Variants in CST3 observed in about 807,000 individuals in gnomAD.
The protein encoded by CST3 is cystatin C.
In CST3, 14 loss-of-function variants were observed where a neutral mutation model predicts 9.0. The ratio of observed to expected loss-of-function variants is 1.56; its 90% CI spans 1.03 to 2.44. The LOEUF (loss-of-function observed/expected upper bound fraction) is 2.44. Ranked by LOEUF, CST3 falls within the 30% of genes most tolerant of loss-of-function variation. CST3 has a pLI of 0.00. For missense variants in CST3, 237 were observed against 204.3 expected, an observed-to-expected ratio of 1.16 and a Z score of -0.98; for synonymous variants, 96 against 90.2, an observed-to-expected ratio of 1.06 and a Z score of -0.37.
chr20:23,633,113 GT>G (rs1341965731), downstream of CST3, among the ~76,000 whole-genome samples: 4 of 151,944 alleles, frequency 2.6e-5, no homozygotes, highest in Admixed American at 1.3e-4. Context: ...TCTGGCTGGC[GT>G]TTCTCCTGCT....
At chr20:23,630,670 G>A (rs918909484), downstream of CST3, among the ~76,000 whole-genome samples, 13 of 151,650 alleles carry the variant, frequency 8.6e-5, no homozygotes, top group African/African-American at 1.7e-4. Flanking sequence ...GGTCACTCCC[G>A]TCAGCCAATC....
chr20:23,637,391 A>C (rs992018883), intron 1 of CST3, among the ~76,000 whole-genome samples: 1 of 152,292 alleles, frequency 6.6e-6, no homozygotes, highest in East Asian at 1.9e-4. Flanking sequence ...AGCTGATCTT[A>C]GGCGCCGGGC....
intron 2 of CST3, among the ~76,000 whole-genome samples, chr20:23,634,764 C>T (rs950614226): frequency 6.6e-6 from 1 of 152,080 alleles, no homozygotes; most frequent in African/African-American, 2.4e-5. Flanking sequence ...ATTCATCACT[C>T]CTCTCCACAC....
downstream of CST3, among the ~76,000 whole-genome samples, chr20:23,630,627 A>T (rs1979416870): frequency 6.6e-6 from 1 of 152,072 alleles, no homozygotes; most frequent in South Asian, 2.1e-4. Context: ...TGCTCTCTCT[A>T]CATCTTTTAG....
At chr20:23,628,976 T>A (rs896532550), downstream of CST3, 2 of 152,222 alleles carry the variant, frequency 1.3e-5, no homozygotes, top group Admixed American at 6.5e-5. Context: ...AAGTCTTTTT[T>A]ATCTTCACAC....
rs1390707331 is a variant in CST3, at chr20:23,635,301, G to C, written c.310C>G (p.Pro104Ala). Residue 104 changes from proline to alanine, a missense_variant, in exon 2 of 3, where the codon CCC becomes GCC. Physicochemically the swap from Pro to Ala is conservative, Grantham distance 27 (BLOSUM62 -1). Transcript: ENST00000376925. ...LGRTTCTKTQ[P>A]NLDNCPFHDQ... is the part of the protein sequence containing the mutation. The stretch of plus-strand genomic sequence containing the variant: ...TGGAAGGGGCAGTTGTCCAAGTTGG[G>C]CTGGGTCTTGGTACACGTGGTTCGG... The C allele has an allele frequency of 6.2e-7, 1 of 1,614,128 alleles. No individual in the cohort carries two copies. Among genetic ancestry groups the C allele is most frequent in the Admixed American group, 1.7e-5 (1 of 60,016 alleles).
At chr20:23,635,186 A>T (rs958151449) in intron 2 of CST3, 68 bp downstream of exon 2, 143 of 857,474 alleles carry the variant, frequency 1.7e-4, no homozygotes, top group Middle Eastern at 2.6e-4. Flanking sequence ...TGTGCATCAC[A>T]CACACACACA....
In CST3 at chr20:23,637,664, T is replaced by A. The variant is rs576809508; in HGVS notation, c.199A>T (p.Met67Leu). Residue 67 changes from methionine to leucine, a missense_variant, in exon 1 of 3, where the codon ATG becomes TTG. Physicochemically the swap from Met to Leu is conservative, Grantham distance 15 (BLOSUM62 2). Coordinates refer to ENST00000376925, the MANE Select transcript of CST3 (RefSeq NM_000099.4). ...VGEYNKASNDMYHSRALQVVR... is the reference protein window; with the variant it reads ...VGEYNKASNDLYHSRALQVVR... ...ACCTGCAGCGCGCGGCTGTGGTACA[T>A]GTCGTTGCTGGCTTTGTTGTACTCG... 1 of 1,535,424 alleles carries A rather than the reference T, an allele frequency of 6.5e-7. No individual in the cohort carries two copies. The highest frequency in any genetic ancestry group is 2.0e-5 in the Admixed American group (1 of 49,926).
In CST3 at chr20:23,637,694, C is replaced by A. The variant is rs1454344635; in HGVS notation, c.169G>T (p.Val57Phe). The change falls in exon 1 of 3, where the codon GTC (valine) becomes TTC (phenylalanine). Residue 57 changes from valine to phenylalanine, a missense_variant. Physicochemically the swap from Val to Phe is conservative, Grantham distance 50 (BLOSUM62 -1). Transcript: ENST00000376925. ...EGVRRALDFA[V>F]GEYNKASNDM... is the part of the protein sequence containing the mutation. ...TTGCTGGCTTTGTTGTACTCGCCGA[C>A]GGCAAAGTCCAGTGCACGCCGCACA... is the stretch of plus-strand genomic sequence containing the variant. 2 of 1,543,028 alleles carry A rather than the reference C, an allele frequency of 1.3e-6. No individual in the cohort carries two copies. Among genetic ancestry groups the A allele is most frequent in the South Asian group, 2.4e-5 (2 of 82,970 alleles).
At chr20:23,635,450 C>T (rs1232754699) in intron 1 of CST3, 83 bp from the exon 2 acceptor site, 1 of 1,265,162 alleles carries the variant, frequency 7.9e-7, no homozygotes, top group African/African-American at 1.5e-5. Flanking sequence ...GTGACCGGGT[C>T]ACTGGGCTTG....
At chr20:23,632,509 C>A (rs1049705753), downstream of CST3, among the ~76,000 whole-genome samples, 6 of 152,136 alleles carry the variant, frequency 3.9e-5, 1 homozygote, top group Admixed American at 3.3e-4. Flanking sequence ...CCCCAAAGAC[C>A]CTGTTAAAGC....
downstream of CST3, chr20:23,633,656 A>C: frequency 1.7e-6 from 1 of 598,314 alleles, no homozygotes; most frequent in South Asian, 1.9e-5. Context: ...ACTCAGAGGG[A>C]GCCGATGCTA....
rs6083205 is a variant in CST3 at position 23,635,218 on chromosome 20, T to C, written c.357+36A>G. On this transcript the variant is annotated intron_variant, in intron 2 of 2. Transcript: ENST00000376925. The stretch of plus-strand genomic sequence containing the variant: ...CACACACACACACACCCCTCTGCAG[T>C]GTATGACTGGCCCTGGACCCATATA... The C allele has an allele frequency of 1.3e-3, 1,939 of 1,536,864 alleles. 4 individuals carry two copies. The highest frequency in any genetic ancestry group is 1.6e-3 in the Non-Finnish European group (1,808 of 1,110,448).
rs548759955 is a variant in CST3, at chr20:23,637,747, G to C, written c.116C>G (p.Pro39Arg). 52 of 1,538,568 alleles carry C rather than the reference G, an allele frequency of 3.4e-5. No homozygotes were observed. In the South Asian group the frequency reaches 5.8e-4, roughly 17 times the overall value. ...PGKPPRLVGGPMDASVEEEGV... is the reference protein window; with the variant it reads ...PGKPPRLVGGRMDASVEEEGV... ...CTCCTCCTCCACGCTGGCGTCCATG[G>C]GGCCTCCCACTAGGCGCGGCGGCTT... Residue 39 changes from proline to arginine, a missense_variant, in exon 1 of 3, where the codon CCC becomes CGC. Pro to Arg is a moderately radical substitution (Grantham distance 103). Coordinates refer to ENST00000376925, the MANE Select transcript of CST3 (RefSeq NM_000099.4).
chr20:23,635,943 G>C (rs902590749), intron 1 of CST3, among the ~76,000 whole-genome samples: 16 of 152,240 alleles, frequency 1.1e-4, no homozygotes, highest in Admixed American at 1.0e-3. Context: ...GCACAGTGCC[G>C]CCCCAAAACA....
At chr20:23,629,408 C>A (rs1979367678), downstream of CST3, 1 of 152,244 alleles carries the variant, frequency 6.6e-6, no homozygotes. Context: ...CAGCATCATT[C>A]CCTGCCTGGT....
At chr20:23,637,156 T>G (rs1979708913) in intron 1 of CST3, among the ~76,000 whole-genome samples, 1 of 152,220 alleles carries the variant, frequency 6.6e-6, no homozygotes, top group Non-Finnish European at 1.5e-5. Context: ...AGCTGCTCTG[T>G]AAGTCTGAAA....
chr20:23,637,925 A>G lies in CST3; in HGVS notation c.-63T>C. ...GGCGAGAGGCTGGAGCTAGATAGAG[A>G]GGACCCGCTGCGATACCGAGGCGAG... On this transcript the variant is annotated 5_prime_UTR_variant, in exon 1 of 3. Coordinates refer to ENST00000376925, the MANE Select transcript of CST3 (RefSeq NM_000099.4). The G allele has an allele frequency of 1.6e-6, 2 of 1,280,238 alleles. No homozygotes were observed. The highest frequency in any genetic ancestry group is 2.0e-6 in the Non-Finnish European group (2 of 1,015,668). 79.3% of individuals were successfully genotyped at this position (1,280,238 alleles called of 1,614,324 possible). A position where few individuals can be genotyped will look rare whatever the true frequency, so the allele number is the denominator to read the frequency against.
rs142977454 is a variant in CST3 at position 23,636,304 on chromosome 20, T to C, written c.244-937A>G. Among the ~76,000 whole-genome samples the C allele has an allele frequency of 2.8e-3, 424 of 152,318 alleles. 7 individuals carry two copies. The highest frequency in any genetic ancestry group is 1.0e-2 in the African/African-American group (415 of 41,580). ...GGAGGAGCTCTAAAGTCTGTGTCAC[T>C]GTTCGCTGCTCTGCCATGGGATGCA... is the stretch of plus-strand genomic sequence containing the variant. On this transcript the variant is annotated intron_variant, in intron 1 of 2. Transcript: ENST00000376925.
Sources: allele counts gnomAD v4.1 joint callset (sites outside exome capture counted in the v4.1 genomes callset), GRCh38; gene constraint gnomAD v4.1.1; transcripts MANE v1.5; gene names NCBI Gene and HGNC (gene_info 2026-07-23, HGNC 2026-07-21).